The following TGIF1 variants were observed in gnomAD, a reference collection of about 807,000 sequenced individuals.
The protein encoded by TGIF1 is TGFB induced factor homeobox 1.
Under a neutral mutation model 19.3 loss-of-function variants are expected in TGIF1, and 4 were observed. The ratio of observed to expected loss-of-function variants is 0.21; its 90% confidence interval spans 0.10 to 0.47. The LOEUF is 0.47. Ranked by LOEUF, TGIF1 falls within the 20% of genes least tolerant of loss-of-function variation. TGIF1 has a pLI of 0.98. For synonymous variants in TGIF1, 122 were observed against 129.3 expected (o/e 0.94, Z 0.38); for missense variants, 275 against 341.4 (o/e 0.81, Z 1.53).
intron 2 of TGIF1, among the ~76,000 whole-genome samples, chr18:3,424,741 T>G (rs1391877497): frequency 6.6e-6 from 1 of 152,158 alleles, no homozygotes; most frequent in Admixed American, 6.5e-5. Flanking sequence ...CAATCATGCC[T>G]ACTTAATGAC....
At chr18:3,431,504 T>C (rs2082546881) in intron 2 of TGIF1, among the ~76,000 whole-genome samples, 1 of 151,992 alleles carries the variant, frequency 6.6e-6, no homozygotes, top group Admixed American at 6.6e-5. Flanking sequence ...ATAATAGTAA[T>C]GGATTTTTAA....
At chr18:3,441,223 C>T (rs1421922529) in intron 2 of TGIF1, among the ~76,000 whole-genome samples, 4 of 152,120 alleles carry the variant, frequency 2.6e-5, no homozygotes, top group Non-Finnish European at 4.4e-5. Flanking sequence ...AACTATTTTT[C>T]CAAGTTTCTT....
intron 1 of TGIF1, among the ~76,000 whole-genome samples, chr18:3,412,489 A>G (rs1303827355): frequency 6.6e-6 from 1 of 152,226 alleles, no homozygotes; most frequent in Non-Finnish European, 1.5e-5. Flanking sequence ...TTCCCCTGCT[A>G]CCTGGGAGGT....
rs749340295 is a variant in TGIF1, at chr18:3,417,006, TCTCA to T, written c.-117-1133_-117-1130del. On this transcript the variant is annotated intron_variant, in intron 1 of 3. Transcript: ENST00000401449. ...TTGATACTCTTTTTAAAAAAAGAAATCTCACTCGGAATTTATCATAAGTAAATCA... is the reference window on the plus strand; with the variant it reads ...TTGATACTCTTTTTAAAAAAAGAAATCTCGGAATTTATCATAAGTAAATCA... Among the ~76,000 whole-genome samples the T allele has an allele frequency of 1.2e-3, 176 of 152,170 alleles. 1 individual carries two copies. Among genetic ancestry groups the T allele is most frequent in the African/African-American group, 3.7e-3 (154 of 41,488 alleles).
rs139384280 is a variant in TGIF1 at position 3,439,276 on chromosome 18, T to TA, written c.-44-17071dup. Among the ~76,000 whole-genome samples, 994 of 151,852 alleles carry TA rather than the reference T, an allele frequency of 6.5e-3. 10 individuals carry two copies. The highest frequency in any genetic ancestry group is 0.023 in the African/African-American group (956 of 41,416). On this transcript the variant is annotated intron_variant, in intron 2 of 3. Transcript: ENST00000401449. ...ATTTAAAATTTTCCATAATCAAAAG[T>TA]AAAAAAAGCAAAACAAACAAAAACA...
At chr18:3,452,023 C>CG in intron 1 of TGIF1, 1 of 1,610,506 alleles carries the variant, frequency 6.2e-7, no homozygotes, top group South Asian at 1.1e-5. Context: ...GTGGGCTCCC[C>CG]GCATTGTTCG....
upstream of TGIF1, chr18:3,449,919 C>A (rs2082845250): frequency 7.1e-6 from 7 of 986,060 alleles, no homozygotes; most frequent in Non-Finnish European, 8.4e-6. Context: ...GGCTGGTGCC[C>A]CCACCGCCGG....
chr18:3,456,878 TA>T lies in TGIF1; in HGVS notation c.243+301del. 2 of 603,074 alleles carry T rather than the reference TA, an allele frequency of 3.3e-6. No individual in the cohort carries two copies. Among genetic ancestry groups the T allele is most frequent in the South Asian group, 4.1e-5 (2 of 48,624 alleles). 37.4% of individuals were successfully genotyped at this position (603,074 alleles called of 1,614,324 possible). ...TTGTCCAGGAAACTGGTTTGATATTTAAACAAGGACGACTTCAGTGAGGTAA... is the reference window on the plus strand; with the variant it reads ...TTGTCCAGGAAACTGGTTTGATATTTAACAAGGACGACTTCAGTGAGGTAA... On this transcript the variant is annotated intron_variant, in intron 2 of 2. Coordinates refer to ENST00000343820, the MANE Select transcript of TGIF1 (RefSeq NM_003244.4). This position sits in a 1 kb window ranked among gnomAD's most constrained non-coding sequence, Gnocchi z 4.2.
chr18:3,444,653 A>G (rs1190433034), intron 2 of TGIF1, among the ~76,000 whole-genome samples: 1 of 152,020 alleles, frequency 6.6e-6, no homozygotes, highest in African/African-American at 2.4e-5. Flanking sequence ...TGTTTTTGAG[A>G]CGGAGTCTCA....
chr18:3,453,732 G>A (rs1043745265), intron 1 of TGIF1: 7 of 827,154 alleles, frequency 8.5e-6, no homozygotes, highest in Non-Finnish European at 7.3e-6. Context: ...CAAGGTCGCT[G>A]CTTAGGGCGG....
upstream of TGIF1, chr18:3,449,729 T>TA: frequency 1.0e-6 from 1 of 985,428 alleles, no homozygotes; most frequent in Non-Finnish European, 1.2e-6. Flanking sequence ...CTCGTGCGGC[T>TA]AGAGCAGGGC....
chr18:3,450,974 CCCGCCCCCG>C (rs1244987889), intron 1 of TGIF1, among the ~76,000 whole-genome samples: 15 of 150,308 alleles, frequency 1.0e-4, no homozygotes, highest in Non-Finnish European at 1.8e-4. Flanking sequence ...TCCCCCCGCC[CCCGCCCCCG>C]CCGCCCCCCT....
Position 3,451,761 on chromosome 18 carries a change from T to C in TGIF1, c.16+1256T>C. The C allele has an allele frequency of 1.6e-6, 2 of 1,251,324 alleles. No individual in the cohort carries two copies. The highest frequency in any genetic ancestry group is 2.0e-6 in the Non-Finnish European group (2 of 999,050). The allele number at this position is 1,251,324 out of a possible 1,614,324, so 77.5% of individuals were successfully genotyped here. On this transcript the variant is annotated intron_variant, in intron 1 of 2. Transcript: ENST00000343820. The surrounding 1 kb of genome is among the most constrained non-coding windows in gnomAD (Gnocchi z 5.4). ...AATTAAACTTGAAACTCGGATCAACTGGCAGTCGTTGTTGGTAGAACGCCC... is the reference window on the plus strand; with the variant it reads ...AATTAAACTTGAAACTCGGATCAACCGGCAGTCGTTGTTGGTAGAACGCCC...
At chr18:3,446,412 G>A (rs1192997754), upstream of TGIF1, among the ~76,000 whole-genome samples, 2 of 152,148 alleles carry the variant, frequency 1.3e-5, no homozygotes, top group East Asian at 1.9e-4. Context: ...TCAAACTCCT[G>A]ACCTCAGGTG....
chr18:3,449,543 C>G (rs2082831546), upstream of TGIF1: 1 of 983,474 alleles, frequency 1.0e-6, no homozygotes, highest in South Asian at 4.7e-5. Flanking sequence ...ATCATTCCCC[C>G]CCGCCCCACC....
At chr18:3,434,633 T>C (rs183753745) in intron 2 of TGIF1, among the ~76,000 whole-genome samples, 2 of 152,324 alleles carry the variant, frequency 1.3e-5, no homozygotes, top group Admixed American at 6.5e-5. Flanking sequence ...GAGAATCGCT[T>C]GAACCCAAGA....
intron 1 of TGIF1, among the ~76,000 whole-genome samples, chr18:3,417,348 T>C (rs1172394733): frequency 1.3e-5 from 2 of 151,654 alleles, no homozygotes; most frequent in Non-Finnish European, 2.9e-5. Context: ...TTAGTAGAGA[T>C]GGGGTTTCAC....
intron 2 of TGIF1, among the ~76,000 whole-genome samples, chr18:3,428,618 TC>T (rs2082505357): frequency 6.6e-6 from 1 of 152,190 alleles, no homozygotes; most frequent in East Asian, 1.9e-4. Context: ...GCGCCTGTAG[TC>T]CCAGCTGTTT....
At chr18:3,416,755 A>G (rs1449737444) in intron 1 of TGIF1, among the ~76,000 whole-genome samples, 4 of 152,038 alleles carry the variant, frequency 2.6e-5, no homozygotes, top group African/African-American at 9.6e-5. Flanking sequence ...AACATGGTGA[A>G]TCCCCATCTC....
Sources: allele counts gnomAD v4.1 joint callset (sites outside exome capture counted in the v4.1 genomes callset), GRCh38; gene constraint gnomAD v4.1.1; non-coding constraint Gnocchi (gnomAD v3.1); transcripts MANE v1.5; gene names NCBI Gene and HGNC (gene_info 2026-07-23, HGNC 2026-07-21).